The following CLASP1 variants were observed in gnomAD, a reference collection of about 807,000 sequenced individuals.
CLASP1 encodes the protein cytoplasmic linker associated protein 1.
CLASP1 carries 38 observed loss-of-function variants against 192.3 expected under a neutral mutation model. The ratio of observed to expected loss-of-function variants is 0.20; its 90% CI spans 0.15 to 0.26. The LOEUF (loss-of-function observed/expected upper bound fraction) is 0.26. Among genes scored for constraint, CLASP1 ranks in the 10% least tolerant of loss-of-function variants. The pLI, the probability that CLASP1 is intolerant of heterozygous loss-of-function variation, is 1.00. For missense variants in CLASP1, 1,433 were observed against 1,932.5 expected (o/e 0.74, Z 4.85); for synonymous variants, 691 against 712.8 (o/e 0.97, Z 0.49).
At chr2:121,502,115 A>G (rs2093772726) in intron 8 of CLASP1, among the ~76,000 whole-genome samples, 2 of 152,184 alleles carry the variant, frequency 1.3e-5, no homozygotes, top group Non-Finnish European at 2.9e-5. Flanking sequence ...TAGTTCTCAA[A>G]TATCATCACA....
chr2:121,347,006 G>A (rs2063534239), intron 39 of CLASP1, 32 bp downstream of exon 40: 1 of 1,331,566 alleles, frequency 7.5e-7, no homozygotes. Flanking sequence ...GAGCCCAGGT[G>A]TGCGTATCAG....
At chr2:121,521,626 C>T (rs755552462) in intron 6 of CLASP1, among the ~76,000 whole-genome samples, 5 of 152,204 alleles carry the variant, frequency 3.3e-5, no homozygotes, top group Non-Finnish European at 5.9e-5. Flanking sequence ...CACCTGTGGC[C>T]CACTCTGAAA....
At chr2:121,442,915 C>T (rs1314774948) in intron 19 of CLASP1, among the ~76,000 whole-genome samples, 3 of 152,112 alleles carry the variant, frequency 2.0e-5, no homozygotes, top group Non-Finnish European at 1.5e-5. Flanking sequence ...GTGGAAAACT[C>T]GTATTGAAAA....
In CLASP1 at chr2:121,407,468, C is replaced by A. The variant is rs1015422075; in HGVS notation, c.2669+3G>T. The A allele has an allele frequency of 6.2e-7, 1 of 1,613,804 alleles. No individual in the cohort carries two copies. The highest frequency in any genetic ancestry group is 8.5e-7 in the Non-Finnish European group (1 of 1,179,792). On this transcript the variant is annotated splice_donor_region_variant and intron_variant, in intron 25 of 39. Coordinates refer to ENST00000263710, the Ensembl canonical transcript of CLASP1. ...TAGCTCATATTCTTGCTGTGGTCCT[C>A]ACCTCAGTGTTCTTTGGCTCTTCAG...
chr2:121,555,567 C>G (rs575923657), intron 2 of CLASP1, among the ~76,000 whole-genome samples: 1 of 152,332 alleles, frequency 6.6e-6, no homozygotes, highest in East Asian at 1.9e-4. Flanking sequence ...TCATGAACTA[C>G]GTATTCCAAT....
At chr2:121,421,802 C>T (rs1179679698) in intron 22 of CLASP1, among the ~76,000 whole-genome samples, 1 of 152,134 alleles carries the variant, frequency 6.6e-6, no homozygotes, top group Non-Finnish European at 1.5e-5. Context: ...CTCGGCCTCC[C>T]GAAGTGCTGG....
At chr2:121,394,306 T>C (rs565680000) in intron 30 of CLASP1, among the ~76,000 whole-genome samples, 1 of 152,324 alleles carries the variant, frequency 6.6e-6, no homozygotes, top group South Asian at 2.1e-4. Flanking sequence ...ATCAGAGAGA[T>C]TCAAAATGAG....
chr2:121,438,754 G>A (rs922820046), intron 19 of CLASP1, among the ~76,000 whole-genome samples: 2 of 151,538 alleles, frequency 1.3e-5, no homozygotes, highest in Non-Finnish European at 2.9e-5. Flanking sequence ...GAGGATTTTT[G>A]CATCAATGTT....
At chr2:121,437,290 T>C (rs1024787613) in intron 19 of CLASP1, among the ~76,000 whole-genome samples, 3 of 152,204 alleles carry the variant, frequency 2.0e-5, no homozygotes, top group African/African-American at 7.2e-5. Context: ...ATGTACTACA[T>C]TTTCATTTCT....
intron 1 of CLASP1, among the ~76,000 whole-genome samples, chr2:121,638,639 C>T (rs2106310488): frequency 6.7e-6 from 1 of 149,674 alleles, no homozygotes; most frequent in South Asian, 2.1e-4. Context: ...GAACATTACT[C>T]AGCAATAAAA....
chr2:121,433,099 A>G (rs548775450), intron 19 of CLASP1, among the ~76,000 whole-genome samples: 10 of 152,162 alleles, frequency 6.6e-5, no homozygotes, highest in Non-Finnish European at 1.3e-4. Flanking sequence ...AGGTGAGCGG[A>G]TCACCTGAGG....
intron 20 of CLASP1, among the ~76,000 whole-genome samples, chr2:121,428,812 C>T (rs1299496140): frequency 1.3e-5 from 2 of 152,176 alleles, no homozygotes; most frequent in African/African-American, 4.8e-5. Flanking sequence ...GACTATAAAG[C>T]TTGCGTCCAT....
At chr2:121,350,229 G>A (rs1162938604) in intron 37 of CLASP1, among the ~76,000 whole-genome samples, 1 of 152,236 alleles carries the variant, frequency 6.6e-6, no homozygotes, top group East Asian at 1.9e-4. Flanking sequence ...ACAAAAAGGT[G>A]AAGACTACCA....
exon 40 of CLASP1, chr2:121,339,131 C>CCA (rs3839033): frequency 0.15 from 21,928 of 143,534 alleles, 1,653 homozygotes; most frequent in African/African-American, 0.2. Context: ...ACACACAACA[C>CCA]CACACACACA....
intron 2 of CLASP1, among the ~76,000 whole-genome samples, chr2:121,544,387 G>C (rs72971221): frequency 1.5e-3 from 184 of 121,522 alleles, no homozygotes; most frequent in African/African-American, 5.4e-3. Flanking sequence ...GTTAAATCCT[G>C]ACAAAAATCT....
chr2:121,638,222 T>G (rs1029531151), intron 1 of CLASP1, among the ~76,000 whole-genome samples: 8 of 151,928 alleles, frequency 5.3e-5, no homozygotes, highest in African/African-American at 1.9e-4. Context: ...GCCTAACAAC[T>G]TAGTCATTAG....
At chr2:121,384,354 A>T (rs2072695124) in intron 32 of CLASP1, among the ~76,000 whole-genome samples, 1 of 151,654 alleles carries the variant, frequency 6.6e-6, no homozygotes, top group Non-Finnish European at 1.5e-5. Flanking sequence ...ATGTCCAGCT[A>T]ATTTTTTATT....
At chr2:121,647,189 G>C (rs1158239771) in intron 1 of CLASP1, among the ~76,000 whole-genome samples, 1 of 152,022 alleles carries the variant, frequency 6.6e-6, no homozygotes, top group Non-Finnish European at 1.5e-5. Flanking sequence ...CCAACATAGT[G>C]AAACCCTGTC....
intron 2 of CLASP1, among the ~76,000 whole-genome samples, chr2:121,537,597 A>G (rs1265551976): frequency 6.6e-6 from 1 of 152,248 alleles, no homozygotes; most frequent in Admixed American, 6.5e-5. Context: ...TACTGCCAAC[A>G]ATAAAGAAAT....
Sources: gnomAD v4.1 joint callset for allele counts (sites outside exome capture counted in the v4.1 genomes callset) on GRCh38, gnomAD v4.1.1 for gene constraint, MANE v1.5 for transcripts, NCBI Gene and HGNC (gene_info 2026-07-23, HGNC 2026-07-21) for gene names.